The following MKNK2 variants were observed in gnomAD, a reference collection of about 807,000 sequenced individuals.
The protein encoded by MKNK2 is MAPK interacting serine/threonine kinase 2.
A neutral mutation model predicts 55.0 loss-of-function variants in MKNK2; 54 were observed. The ratio of observed to expected loss-of-function variants is 0.98; its 90% CI spans 0.79 to 1.23. The LOEUF (loss-of-function observed/expected upper bound fraction) is 1.23. Among genes scored for constraint, MKNK2 ranks in the 50% most tolerant of loss-of-function variants. The probability of loss-of-function intolerance (pLI) is 0.00; values close to 1 mark genes in which losing one functional copy is unlikely to be tolerated. For missense variants in MKNK2, 685 were observed against 632.1 expected (o/e 1.08, Z -0.90); for synonymous variants, 323 against 256.0 (o/e 1.26, Z -2.50).
chr19:2,044,448 T>A (rs1375923927), intron 5 of MKNK2, among the ~76,000 whole-genome samples: 1 of 152,210 alleles, frequency 6.6e-6, no homozygotes, highest in African/African-American at 2.4e-5. Context: ...CCACCTTCAC[T>A]CACAGAGGTG....
Position 2,039,695 on chromosome 19 carries a change from G to A in MKNK2, c.1316C>T (p.Pro439Leu), listed in dbSNP as rs761695123. The A allele has an allele frequency of 3.2e-5, 51 of 1,613,046 alleles. No homozygotes were observed. The highest frequency in any genetic ancestry group is 4.2e-5 in the Non-Finnish European group (49 of 1,179,940). The change falls in exon 14 of 14, where the codon CCC becomes CTC. Residue 439 changes from proline to leucine, a missense_variant. Physicochemically the swap from Pro to Leu is moderately conservative, Grantham distance 98. Coordinates refer to ENST00000250896, the MANE Select transcript of MKNK2 (RefSeq NM_199054.3). Reference protein sequence around the residue: ...ATSRCLQLSPPSQSKLAQRRQ... With the variant: ...ATSRCLQLSPLSQSKLAQRRQ... ...CCGCTGCGCCAGCTTGGACTGGGAGGGTGGAGACAGCTGCAGGCAGCGTGA... is the reference window on the plus strand; with the variant it reads ...CCGCTGCGCCAGCTTGGACTGGGAGAGTGGAGACAGCTGCAGGCAGCGTGA...
chr19:2,040,601 C>T lies in MKNK2; in HGVS notation c.1111-424G>A, dbSNP rs2016855480. On this transcript the variant is annotated intron_variant, in intron 12 of 13. Transcript: ENST00000250896. ...AGCTTCTATTTTTAGTAAATCCTCA[C>T]TCCCTGGGGTGGCAGCTCAGCTCAG... The T allele has an allele frequency of 2.3e-5, 6 of 265,884 alleles. No homozygotes were observed. In the Middle Eastern group the frequency reaches 3.6e-3, roughly 159 times the overall value. 16.5% of individuals were successfully genotyped at this position (265,884 alleles called of 1,614,324 possible).
chr19:2,038,117 A>G lies in MKNK2; in HGVS notation c.*1496T>C. 2 of 1,090,158 alleles carry G rather than the reference A, an allele frequency of 1.8e-6. No individual in the cohort carries two copies. Among genetic ancestry groups the G allele is most frequent in the Non-Finnish European group, 2.2e-6 (2 of 896,580 alleles). 67.5% of individuals were successfully genotyped at this position (1,090,158 alleles called of 1,614,324 possible). On this transcript the variant is annotated 3_prime_UTR_variant, in exon 14 of 14. Transcript: ENST00000250896. ...GGCAGAGCACCCCCACGGCCACCGG[A>G]CTGTGACCATCATACGAGATTCAGG...
chr19:2,039,660 C>T lies in MKNK2; in HGVS notation c.1351G>A (p.Ala451Thr), dbSNP rs779996557. ...ACCACTGGGGCCGAGGACAGACTGG[C>T]CCTTTGCCGCCGCTGCGCCAGCTTG... Reference protein sequence around the residue: ...QSKLAQRRQRASLSSAPVVLV... With the variant: ...QSKLAQRRQRTSLSSAPVVLV... Residue 451 changes from alanine to threonine, a missense_variant, in exon 14 of 14, where the codon GCC becomes ACC. By Grantham distance (58) the Ala-to-Thr change is moderately conservative. Transcript: ENST00000250896. 32 of 1,612,652 alleles carry T rather than the reference C, an allele frequency of 2.0e-5. No homozygotes were observed. The highest frequency in any genetic ancestry group is 2.5e-6 in the Non-Finnish European group (3 of 1,179,826).
chr19:2,039,260 G>A lies in MKNK2; in HGVS notation c.*353C>T, dbSNP rs941219129. The A allele has an allele frequency of 1.2e-5, 14 of 1,134,496 alleles. No homozygotes were observed. The highest frequency in any genetic ancestry group is 3.8e-4 in the Middle Eastern group (1 of 2,654). 70.3% of individuals were successfully genotyped at this position (1,134,496 alleles called of 1,614,324 possible). On this transcript the variant is annotated 3_prime_UTR_variant, in exon 14 of 14. Coordinates refer to ENST00000250896, the MANE Select transcript of MKNK2 (RefSeq NM_199054.3). ...GCTCTCCTGAGTCACTGCAAGCCAC[G>A]TGGGCAGATGGCGGGCAGCACAGGT...
rs114482842 is a variant in MKNK2, at chr19:2,047,726, C to G, written c.52-1035G>C. The stretch of plus-strand genomic sequence containing the variant: ...CTAAGATGGCACACAACCACCTCTC[C>G]TTCCCCTAAGCTGCTCCCCTCCCTT... On this transcript the variant is annotated intron_variant, in intron 2 of 13. Transcript: ENST00000250896. Among the ~76,000 whole-genome samples, 564 of 152,240 alleles carry G rather than the reference C, an allele frequency of 3.7e-3. 3 individuals are homozygous for G. Among genetic ancestry groups the G allele is most frequent in the African/African-American group, 0.013 (547 of 41,534 alleles).
intron 12 of MKNK2, chr19:2,040,536 G>T (rs1055157070): frequency 3.1e-6 from 1 of 327,268 alleles, no homozygotes; most frequent in Non-Finnish European, 5.7e-6. Flanking sequence ...AAGGAGATTG[G>T]AGGCCCCCAG....
At chr19:2,042,312 G>C in intron 10 of MKNK2, 115 bp downstream of exon 10, 1 of 972,332 alleles carries the variant, frequency 1.0e-6, no homozygotes, top group Non-Finnish European at 1.5e-6. Flanking sequence ...AGCGGCTGTT[G>C]CTAGGCGGAA....
At position 2,037,833 on chromosome 19, in the gene MKNK2, CAG is replaced by C; in HGVS notation, c.*1778_*1779del. 2 of 1,506,064 alleles carry C rather than the reference CAG, an allele frequency of 1.3e-6. No individual in the cohort carries two copies. The highest frequency in any genetic ancestry group is 1.8e-6 in the Non-Finnish European group (2 of 1,112,732). The allele number at this position is 1,506,064 out of a possible 1,614,324, so 93.3% of individuals were successfully genotyped here. A position where few individuals can be genotyped will look rare whatever the true frequency, so the allele number is the denominator to read the frequency against. ...GAGGAGGAAGTGACTGTCCCACCTT[CAG>C]AAAAAAAAAAAAAAACAAACAAACA... On this transcript the variant is annotated 3_prime_UTR_variant, in exon 14 of 14. Transcript: ENST00000250896.
chr19:2,043,557 A>T lies in MKNK2; in HGVS notation c.365T>A (p.Ile122Asn). ...CACCTCCCTGAAAACCCTGCTCCGA[A>T]TGTGGCCTGGCTGCTTCTCAATGAT... ...VKIIEKQPGHIRSRVFREVEM... is the reference protein window; with the variant it reads ...VKIIEKQPGHNRSRVFREVEM... The change falls in exon 6 of 14, where the codon ATT becomes AAT. Residue 122 changes from isoleucine (I) to asparagine (N), a missense_variant. By Grantham distance (149) the Ile-to-Asn change is moderately radical (BLOSUM62 -3). Coordinates refer to ENST00000250896, the MANE Select transcript of MKNK2 (RefSeq NM_199054.3). 1 of 1,614,046 alleles carries T rather than the reference A, an allele frequency of 6.2e-7. No homozygotes were observed. Among genetic ancestry groups the T allele is most frequent in the Non-Finnish European group, 8.5e-7 (1 of 1,179,968 alleles).
rs751067031 is a variant in MKNK2, at chr19:2,042,600, G to C, written c.654+7C>G. On this transcript the variant is annotated splice_region_variant and intron_variant, in intron 9 of 13. Transcript: ENST00000250896. ...CCCGCGGGGCCACCCTGCCGGAACT[G>C]GCCTACCTGGTTGGGGTGCTCACAG... is the stretch of plus-strand genomic sequence containing the variant. 1.2e-4 allele frequency: 183 copies of C among 1,567,420 alleles called. No homozygotes were observed. Among genetic ancestry groups the C allele is most frequent in the Non-Finnish European group, 1.6e-4 (181 of 1,156,030 alleles).
chr19:2,041,408 G>A (rs946877799), intron 11 of MKNK2, among the ~76,000 whole-genome samples: 2 of 152,074 alleles, frequency 1.3e-5, no homozygotes, highest in South Asian at 2.1e-4. Flanking sequence ...AGCTCTGAGG[G>A]ACCTGGTTCC....
In MKNK2 at chr19:2,042,540, G is replaced by T. The variant is rs917071938; in HGVS notation, c.655-18C>A. ...GGGGAGACCTGGGAGGGGCCAAAAG[G>T]TCCGTGAGCCTGGGGTCCCACGCGG... On this transcript the variant is annotated intron_variant, in intron 9 of 13. Transcript: ENST00000250896. 3 of 1,586,370 alleles carry T rather than the reference G, an allele frequency of 1.9e-6. No homozygotes were observed. Among genetic ancestry groups the T allele is most frequent in the African/African-American group, 2.7e-5 (2 of 74,708 alleles).
In MKNK2 at chr19:2,039,573, G is replaced by A; in HGVS notation, c.*40C>T. ...GCTTAAAAAACCTTTAGATTTGATT[G>A]GGGGACGGGTGACCTATGTACAGAG... On this transcript the variant is annotated 3_prime_UTR_variant, in exon 14 of 14. Coordinates refer to ENST00000250896, the MANE Select transcript of MKNK2 (RefSeq NM_199054.3). The A allele has an allele frequency of 6.4e-7, 1 of 1,570,644 alleles. No individual in the cohort carries two copies. Among genetic ancestry groups the A allele is most frequent in the Non-Finnish European group, 8.7e-7 (1 of 1,154,366 alleles).
At chr19:2,046,968 A>T (rs1046631855) in intron 2 of MKNK2, among the ~76,000 whole-genome samples, 23 of 152,020 alleles carry the variant, frequency 1.5e-4, no homozygotes, top group Admixed American at 1.2e-3. Flanking sequence ...TCTCTTTTTT[A>T]AATTTATGTT....
chr19:2,041,246 G>A (rs775205362), intron 11 of MKNK2, 42 bp from the exon 12 acceptor site: 3 of 1,578,898 alleles, frequency 1.9e-6, no homozygotes, highest in African/African-American at 2.7e-5. Flanking sequence ...CTGCCCAAGG[G>A]CCTGGATACT....
At position 2,040,758 on chromosome 19, in the gene MKNK2, G is replaced by A. The variant is rs561541860; in HGVS notation, c.1110+282C>T. 3.9e-5 allele frequency: 19 copies of A among 484,120 alleles called. No individual in the cohort carries two copies. The East Asian group carries it at 4.8e-4, about 12-fold the overall frequency. The allele number at this position is 484,120 out of a possible 1,614,324, so 30.0% of individuals were successfully genotyped here. ...TCTATGTGAGCTGGGCTCGCTGCCC[G>A]CTTCGCTCCAGCCTGCTGCAGGCTG... On this transcript the variant is annotated intron_variant, in intron 12 of 13. Coordinates refer to ENST00000250896, the MANE Select transcript of MKNK2 (RefSeq NM_199054.3).
At chr19:2,050,741 C>A in intron 2 of MKNK2, 60 bp downstream of exon 2, 2 of 1,481,816 alleles carry the variant, frequency 1.3e-6, no homozygotes, top group Non-Finnish European at 1.8e-6. Flanking sequence ...CCCGCGCCCC[C>A]CACGCCGGCC....
Position 2,042,810 on chromosome 19 carries a change from A to T in MKNK2, c.554T>A (p.Val185Glu). 1.3e-6 allele frequency: 2 copies of T among 1,581,490 alleles called. No homozygotes were observed. The highest frequency in any genetic ancestry group is 1.7e-6 in the Non-Finnish European group (2 of 1,163,038). ...RHFNELEASV[V>E]VQDVASALDF... ...CAAGGCGCTGGCCACGTCCTGCACCACCACGCTGGCCTCCAGCTCGTTGAA... is the reference window on the plus strand; with the variant it reads ...CAAGGCGCTGGCCACGTCCTGCACCTCCACGCTGGCCTCCAGCTCGTTGAA... The change falls in exon 8 of 14, where the codon GTG (valine) becomes GAG (glutamate). Residue 185 changes from valine to glutamate, a missense_variant. By Grantham distance (121) the Val-to-Glu change is moderately radical. Coordinates refer to ENST00000250896, the MANE Select transcript of MKNK2 (RefSeq NM_199054.3).
Sources: gnomAD v4.1 joint callset for allele counts (sites outside exome capture counted in the v4.1 genomes callset) on GRCh38, gnomAD v4.1.1 for gene constraint, MANE v1.5 for transcripts, NCBI Gene and HGNC (gene_info 2026-07-23, HGNC 2026-07-21) for gene names.